The following TXNL4B variants were observed in gnomAD, a reference collection of about 807,000 sequenced individuals.
TXNL4B encodes the protein thioredoxin-like protein 4B.
A neutral mutation model predicts 13.0 loss-of-function variants in TXNL4B; 12 were observed. The observed-to-expected ratio is 0.92, with a 90% CI of 0.59 to 1.49. TXNL4B has a LOEUF of 1.49. TXNL4B is among the 40% of genes most tolerant of loss of function. The pLI is 0.00. For missense variants in TXNL4B, 214 were observed against 173.6 expected (o/e 1.23, Z -1.31); for synonymous variants, 59 against 58.9 (o/e 1.00, Z -0.01).
chr16:72,085,364 G>A lies in TXNL4B; in HGVS notation c.*1273C>T. Reference sequence around the variant, plus strand: ...GCCTCACCCATGGCTCTCCAGCTCTGCACCTACCCTCTCCTTCTAATAAAT... The same window carrying A: ...GCCTCACCCATGGCTCTCCAGCTCTACACCTACCCTCTCCTTCTAATAAAT... On this transcript the variant is annotated 3_prime_UTR_variant, in exon 4 of 4. Transcript: ENST00000268483. The A allele has an allele frequency of 4.4e-6, 1 of 227,848 alleles. No homozygotes were observed. The highest frequency in any genetic ancestry group is 8.4e-6 in the Non-Finnish European group (1 of 118,386). 14.1% of individuals were successfully genotyped at this position (227,848 alleles called of 1,614,324 possible).
chr16:72,092,488 T>C (rs1426962266), intron 1 of TXNL4B, among the ~76,000 whole-genome samples: 4 of 151,798 alleles, frequency 2.6e-5, no homozygotes, highest in Non-Finnish European at 5.9e-5. Flanking sequence ...CTATAGGTCA[T>C]ACTTTAAACA....
chr16:72,091,248 A>C (rs1338048767), intron 1 of TXNL4B, among the ~76,000 whole-genome samples: 1 of 152,090 alleles, frequency 6.6e-6, no homozygotes. Context: ...ACCCATCCCT[A>C]GGCCATGGGA....
At chr16:72,088,111 G>A (rs1296186158) in intron 3 of TXNL4B, among the ~76,000 whole-genome samples, 2 of 152,088 alleles carry the variant, frequency 1.3e-5, no homozygotes, top group South Asian at 2.1e-4. Flanking sequence ...GAGCCACTGC[G>A]CCTGGCCATG....
chr16:72,090,975 C>T (rs764654365), intron 1 of TXNL4B, among the ~76,000 whole-genome samples, 189 bp from the exon 2 acceptor site: 2 of 152,284 alleles, frequency 1.3e-5, no homozygotes, highest in African/African-American at 2.4e-5. Flanking sequence ...TTCCCTCCCC[C>T]GGGCCAGATA....
rs749538380 is a variant in TXNL4B, at chr16:72,089,075, T to C, written c.196A>G (p.Thr66Ala). 1.3e-5 allele frequency: 21 copies of C among 1,612,282 alleles called. No homozygotes were observed. Among genetic ancestry groups the C allele is most frequent in the Non-Finnish European group, 1.6e-5 (19 of 1,178,358 alleles). Residue 66 changes from threonine to alanine, a missense_variant, in exon 3 of 4, where the codon ACT (threonine) becomes GCT (alanine). Coordinates refer to ENST00000268483, the MANE Select transcript of TXNL4B (RefSeq NM_017853.3). ...AAIYLVDVDQTAVYTQYFDIS... is the reference protein window; with the variant it reads ...AAIYLVDVDQAAVYTQYFDIS... Reference sequence around the variant, plus strand: ...TCAAAATACTGTGTATAAACTGCAGTTTGGTCCACATCTACCAGGTATATA... The same window carrying C: ...TCAAAATACTGTGTATAAACTGCAGCTTGGTCCACATCTACCAGGTATATA...
chr16:72,090,884 G>A (rs1349270856), intron 1 of TXNL4B, 98 bp from the exon 2 acceptor site: 3 of 962,268 alleles, frequency 3.1e-6, no homozygotes, highest in Non-Finnish European at 4.6e-6. Flanking sequence ...TATTCACATG[G>A]TATGAAAGAA....
In TXNL4B at chr16:72,086,575, G is replaced by A; in HGVS notation, c.*62C>T. On this transcript the variant is annotated 3_prime_UTR_variant, in exon 4 of 4. Transcript: ENST00000268483. ...CAAAGGACTCCAGAAACACAGCACA[G>A]CTGGATTCAGGTACTGTGTCAAGAT... The A allele has an allele frequency of 1.4e-6, 2 of 1,474,526 alleles. No homozygotes were observed. Among genetic ancestry groups the A allele is most frequent in the Middle Eastern group, 1.8e-4 (1 of 5,614 alleles). 91.3% of individuals were successfully genotyped at this position (1,474,526 alleles called of 1,614,324 possible).
chr16:72,089,456 C>T (rs1236024955), intron 2 of TXNL4B, among the ~76,000 whole-genome samples: 2 of 152,084 alleles, frequency 1.3e-5, no homozygotes, highest in African/African-American at 4.8e-5. Flanking sequence ...GTATTCCTGT[C>T]TATTCATTGT....
In TXNL4B at chr16:72,088,842, A is replaced by G. The variant is rs1030852709; in HGVS notation, c.284+145T>C. 7.2e-5 allele frequency: 39 copies of G among 539,704 alleles called. No homozygotes were observed. In the African/African-American group the frequency reaches 7.3e-4, roughly 10 times the overall value. 33.4% of individuals were successfully genotyped at this position (539,704 alleles called of 1,614,324 possible). A position where few individuals can be genotyped will look rare whatever the true frequency, so the allele number is the denominator to read the frequency against. On this transcript the variant is annotated intron_variant, in intron 3 of 3. Coordinates refer to ENST00000268483, the MANE Select transcript of TXNL4B (RefSeq NM_017853.3). ...TCATTTTGTAGCAAGGTTTTGCATA[A>G]AAAATTAGAGAGTGCGTCAATTGGG...
chr16:72,088,961 A>G (rs1427840672), intron 3 of TXNL4B, 26 bp downstream of exon 3: 2 of 1,568,410 alleles, frequency 1.3e-6, no homozygotes, highest in Non-Finnish European at 8.7e-7. Context: ...CAAGGTTGCA[A>G]TTAACTTCAG....
chr16:72,089,231 G>C, intron 2 of TXNL4B, 93 bp from the exon 3 acceptor site: 1 of 1,156,894 alleles, frequency 8.6e-7, no homozygotes, highest in Non-Finnish European at 1.2e-6. Flanking sequence ...TGTTTTGTTT[G>C]AAAAAACTCC....
At chr16:72,089,474 G>C (rs2041870386) in intron 2 of TXNL4B, among the ~76,000 whole-genome samples, 2 of 152,064 alleles carry the variant, frequency 1.3e-5, no homozygotes, top group African/African-American at 2.4e-5. Context: ...TGTGGAGAGA[G>C]ACCTAACCCA....
chr16:72,091,271 G>T (rs766102001), intron 1 of TXNL4B, among the ~76,000 whole-genome samples: 1 of 144,628 alleles, frequency 6.9e-6, no homozygotes, highest in Non-Finnish European at 1.5e-5. Flanking sequence ...AAGAAGCCAC[G>T]GTAGGAAGCA....
At chr16:72,092,999 C>T (rs943596239) in intron 1 of TXNL4B, among the ~76,000 whole-genome samples, 1 of 152,106 alleles carries the variant, frequency 6.6e-6, no homozygotes, top group East Asian at 1.9e-4. Context: ...CCACTGCTTT[C>T]CTCTCTCCCT....
intron 3 of TXNL4B, among the ~76,000 whole-genome samples, chr16:72,087,856 G>GT (rs1290814477): frequency 6.6e-6 from 1 of 152,024 alleles, no homozygotes; most frequent in Non-Finnish European, 1.5e-5. Flanking sequence ...CGGCAGCTCT[G>GT]TTGCCCAGGA....
chr16:72,088,979 G>A lies in TXNL4B; in HGVS notation c.284+8C>T. 2 of 1,592,068 alleles carry A rather than the reference G, an allele frequency of 1.3e-6. No homozygotes were observed. Among genetic ancestry groups the A allele is most frequent in the Non-Finnish European group, 8.6e-7 (1 of 1,163,850 alleles). On this transcript the variant is annotated splice_region_variant and intron_variant, in intron 3 of 3. Coordinates refer to ENST00000268483, the MANE Select transcript of TXNL4B (RefSeq NM_017853.3). Reference sequence around the variant, plus strand: ...GGTTGCAATTAACTTCAGATCAACTGCACTTACCCATAATCCACTTTCATA... The same window carrying A: ...GGTTGCAATTAACTTCAGATCAACTACACTTACCCATAATCCACTTTCATA...
Position 72,086,508 on chromosome 16 carries a change from T to C in TXNL4B, c.*129A>G. 1.2e-6 allele frequency: 1 copy of C among 815,866 alleles called. No individual in the cohort carries two copies. The highest frequency in any genetic ancestry group is 1.8e-6 in the Non-Finnish European group (1 of 547,220). The allele number at this position is 815,866 out of a possible 1,614,324, so 50.5% of individuals were successfully genotyped here. On this transcript the variant is annotated 3_prime_UTR_variant, in exon 4 of 4. Coordinates refer to ENST00000268483, the MANE Select transcript of TXNL4B (RefSeq NM_017853.3). ...TCTTTTCCTCAGGGGCCGGGTTTTC[T>C]ACACGCAAGTCAAACCTCTTCTCCT...
chr16:72,089,173 G>A, intron 2 of TXNL4B, 35 bp from the exon 3 acceptor site: 1 of 1,568,660 alleles, frequency 6.4e-7, no homozygotes, highest in Non-Finnish European at 8.7e-7. Flanking sequence ...GTTACAATAT[G>A]AGAGGCAGCT....
rs1057395588 is a variant in TXNL4B at position 72,086,098 on chromosome 16, A to G, written c.*539T>C. ...ATAAAACAAACTTGTCTGCTCAATTAATTATTTGAAGAGAACCTACAGTAA... is the reference window on the plus strand; with the variant it reads ...ATAAAACAAACTTGTCTGCTCAATTGATTATTTGAAGAGAACCTACAGTAA... On this transcript the variant is annotated 3_prime_UTR_variant, in exon 4 of 4. Transcript: ENST00000268483. 1.1e-4 allele frequency: 17 copies of G among 151,960 alleles called. No homozygotes were observed. The highest frequency in any genetic ancestry group is 4.1e-4 in the African/African-American group (17 of 41,202). The allele number at this position is 151,960 out of a possible 1,614,324, so 9.4% of individuals were successfully genotyped here.
Sources: allele counts gnomAD v4.1 joint callset (sites outside exome capture counted in the v4.1 genomes callset), GRCh38; gene constraint gnomAD v4.1.1; transcripts MANE v1.5; gene names NCBI Gene and HGNC (gene_info 2026-07-23, HGNC 2026-07-21).